GALNTL6: variants seen among roughly 807,000 people sequenced by gnomAD.
GALNTL6 encodes the protein polypeptide N-acetylgalactosaminyltransferase-like 6.
A neutral mutation model predicts 73.7 loss-of-function variants in GALNTL6; 46 were observed. That is an observed-to-expected ratio of 0.62 (90% CI 0.49 to 0.80). The LOEUF is 0.80. Ranked by LOEUF, GALNTL6 falls within the 30% of genes least tolerant of loss-of-function variation. The pLI is 0.00. For missense variants in GALNTL6, 604 were observed against 755.0 expected (o/e 0.80, Z 2.34); for synonymous variants, 259 against 263.7 (o/e 0.98, Z 0.17).
intron 4 of GALNTL6, among the ~76,000 whole-genome samples, chr4:172,325,974 A>G (rs575306115): frequency 6.6e-6 from 1 of 151,976 alleles, no homozygotes; most frequent in South Asian, 2.1e-4. Flanking sequence ...TTATGAAACA[A>G]ATGTTAATGA....
intron 3 of GALNTL6, among the ~76,000 whole-genome samples, chr4:172,234,022 T>C (rs559310372): frequency 4.6e-5 from 7 of 152,130 alleles, no homozygotes; most frequent in East Asian, 1.9e-4. Flanking sequence ...TTTGTTCACA[T>C]AATGATTATA....
intron 3 of GALNTL6, among the ~76,000 whole-genome samples, chr4:172,269,951 G>T (rs112448619): frequency 6.6e-6 from 1 of 151,832 alleles, no homozygotes; most frequent in Non-Finnish European, 1.5e-5. Flanking sequence ...AGACGGTTTC[G>T]CCATGTTGGC....
chr4:172,708,473 A>G (rs1015179094), intron 5 of GALNTL6, among the ~76,000 whole-genome samples: 1 of 152,206 alleles, frequency 6.6e-6, no homozygotes, highest in African/African-American at 2.4e-5. Flanking sequence ...CTGAAACTAA[A>G]TAGACTGGGT....
At chr4:172,758,504 C>G (rs532618227) in intron 5 of GALNTL6, among the ~76,000 whole-genome samples, 2 of 152,300 alleles carry the variant, frequency 1.3e-5, no homozygotes, top group East Asian at 3.9e-4. Context: ...CCCCTGCACT[C>G]CAGCCTGGGT....
intron 5 of GALNTL6, among the ~76,000 whole-genome samples, chr4:172,625,920 C>T (rs1250058659): frequency 6.6e-6 from 1 of 151,886 alleles, no homozygotes; most frequent in Non-Finnish European, 1.5e-5. Context: ...AGACATTAGA[C>T]CTTTGTTGGA....
chr4:172,554,699 A>G lies in GALNTL6; in HGVS notation c.553+206010A>G, dbSNP rs547927159. On this transcript the variant is annotated intron_variant, in intron 5 of 12. Coordinates refer to ENST00000506823, the MANE Select transcript of GALNTL6 (RefSeq NM_001034845.3). ...GTTCTTTTATTGCATCTTTTCCTCA[A>G]CATTGTGGTTATAAGAGTCATCCGT... Among the ~76,000 whole-genome samples, 6 of 152,242 alleles carry G rather than the reference A, an allele frequency of 3.9e-5. No homozygotes were observed. In the East Asian group the frequency reaches 1.2e-3, roughly 29 times the overall value.
chr4:172,687,409 C>T (rs1732984027), intron 5 of GALNTL6, among the ~76,000 whole-genome samples: 1 of 151,946 alleles, frequency 6.6e-6, no homozygotes, highest in South Asian at 2.1e-4. Context: ...GCGGGCGGAT[C>T]ACCAGGTCAG....
At chr4:172,918,981 A>T (rs996980867) in intron 8 of GALNTL6, among the ~76,000 whole-genome samples, 4 of 152,196 alleles carry the variant, frequency 2.6e-5, no homozygotes, top group African/African-American at 9.7e-5. Context: ...AATATTGCTT[A>T]AAAAACTAAC....
intron 4 of GALNTL6, among the ~76,000 whole-genome samples, chr4:172,336,275 G>GTTTTTTTTTTTTTTTTT (rs200566896): frequency 7.9e-6 from 1 of 126,038 alleles, no homozygotes; most frequent in African/African-American, 3.0e-5. Context: ...GTTTTGTTTT[G>GTTTTTTTTTTTTTTTTT]TTTTTTTTTT....
intron 5 of GALNTL6, among the ~76,000 whole-genome samples, chr4:172,674,948 A>G (rs979755266): frequency 2.0e-5 from 3 of 152,004 alleles, no homozygotes; most frequent in African/African-American, 7.3e-5. Context: ...CTTCATTCCT[A>G]TCTATATTCT....
intron 2 of GALNTL6, among the ~76,000 whole-genome samples, chr4:172,095,001 T>A (rs1283951172): frequency 6.8e-6 from 1 of 147,870 alleles, no homozygotes; most frequent in Non-Finnish European, 1.5e-5. Context: ...CACCCTTTTA[T>A]GTTTTCAAAA....
intron 3 of GALNTL6, among the ~76,000 whole-genome samples, chr4:172,251,230 A>G (rs1025657807): frequency 1.3e-5 from 2 of 152,014 alleles, no homozygotes. Context: ...CTTTTTGCAT[A>G]GGGAGGTTAG....
chr4:172,207,298 T>C (rs1736169506), intron 2 of GALNTL6, among the ~76,000 whole-genome samples: 1 of 152,078 alleles, frequency 6.6e-6, no homozygotes, highest in South Asian at 2.1e-4. Flanking sequence ...AAAAGCCTAC[T>C]TTGGATCTTT....
At position 172,963,828 on chromosome 4, in the gene GALNTL6, T is replaced by C. The variant is rs576147303; in HGVS notation, c.1371+11570T>C. 5.3e-5 allele frequency among the ~76,000 whole-genome samples: 8 copies of C among 152,336 alleles called. No individual in the cohort carries two copies. The East Asian group carries it at 1.3e-3, about 26-fold the overall frequency. ...GTTAAACAAGTTACAAAATATTCCG[T>C]TCTGACATCCTATGGGGAAGAAGGA... On this transcript the variant is annotated intron_variant, in intron 10 of 12. Coordinates refer to ENST00000506823, the MANE Select transcript of GALNTL6 (RefSeq NM_001034845.3).
chr4:172,606,275 A>G (rs1385986620), intron 5 of GALNTL6, among the ~76,000 whole-genome samples: 1 of 151,720 alleles, frequency 6.6e-6, no homozygotes, highest in Non-Finnish European at 1.5e-5. Flanking sequence ...ACCAACATGG[A>G]GAAACCCCGT....
chr4:172,753,717 T>A (rs1170509274), intron 5 of GALNTL6, among the ~76,000 whole-genome samples: 1 of 152,206 alleles, frequency 6.6e-6, no homozygotes, highest in Non-Finnish European at 1.5e-5. Flanking sequence ...TATATAATAA[T>A]TTGTCATCAA....
intron 2 of GALNTL6, among the ~76,000 whole-genome samples, chr4:172,046,160 T>A (rs1218144150): frequency 5.3e-5 from 8 of 152,092 alleles, no homozygotes; most frequent in Non-Finnish European, 1.0e-4. Context: ...ATTGATTGCA[T>A]AATTGAGTTG....
chr4:172,866,393 A>G (rs1316792775), intron 7 of GALNTL6, among the ~76,000 whole-genome samples: 1 of 152,180 alleles, frequency 6.6e-6, no homozygotes, highest in Non-Finnish European at 1.5e-5. Flanking sequence ...CAACAATATG[A>G]CATCAGTCAG....
intron 8 of GALNTL6, among the ~76,000 whole-genome samples, chr4:172,928,918 T>G (rs903314775): frequency 1.3e-5 from 2 of 152,202 alleles, no homozygotes; most frequent in Non-Finnish European, 2.9e-5. Context: ...AAATTCTCCA[T>G]AGTATGTTAA....
Sources: gnomAD v4.1 joint callset for allele counts (sites outside exome capture counted in the v4.1 genomes callset) on GRCh38, gnomAD v4.1.1 for gene constraint, MANE v1.5 for transcripts, NCBI Gene and HGNC (gene_info 2026-07-23, HGNC 2026-07-21) for gene names.